Variants in RTN4RL1 observed in about 807,000 individuals in gnomAD.
RTN4RL1 encodes reticulon 4 receptor like 1.
RTN4RL1 carries 7 observed loss-of-function variants against 25.6 expected under a neutral mutation model. The ratio of observed to expected loss-of-function variants is 0.27; its 90% confidence interval spans 0.16 to 0.51. The LOEUF is 0.51. RTN4RL1 is among the 20% of genes least tolerant of loss of function. The probability of loss-of-function intolerance (pLI) is 0.97; values close to 1 mark genes in which losing one functional copy is unlikely to be tolerated. For missense variants in RTN4RL1, 500 were observed against 615.6 expected, an observed-to-expected ratio of 0.81 and a Z score of 1.99; for synonymous variants, 297 against 288.2, an observed-to-expected ratio of 1.03 and a Z score of -0.31.
At chr17:2,002,524 C>T (rs1223224856) in intron 1 of RTN4RL1, among the ~76,000 whole-genome samples, 1 of 150,650 alleles carries the variant, frequency 6.6e-6, no homozygotes, top group African/African-American at 2.5e-5. Context: ...AATCTCCTGA[C>T]CTCGTGATCC....
chr17:2,017,905 C>T (rs8064624), intron 1 of RTN4RL1: 2,476 of 152,456 alleles, frequency 0.016, 68 homozygotes, highest in African/African-American at 0.057. Flanking sequence ...ATTCCACGCT[C>T]CTGCACCCTA....
In RTN4RL1 at chr17:1,985,550, C is replaced by T. The variant is rs558780015; in HGVS notation, c.13+39303G>A. ...CACGGAGGAACATAAACCGGGTTTA[C>T]ATTCCCGGCTTTAAAAGCCCAGATT... On this transcript the variant is annotated intron_variant, in intron 1 of 1. Coordinates refer to ENST00000331238, the MANE Select transcript of RTN4RL1 (RefSeq NM_178568.4). Among the ~76,000 whole-genome samples the T allele has an allele frequency of 5.9e-5, 9 of 152,354 alleles. No homozygotes were observed. The East Asian group carries it at 9.6e-4, about 16-fold the overall frequency.
At chr17:1,959,799 G>A (rs1019866942) in intron 1 of RTN4RL1, among the ~76,000 whole-genome samples, 3 of 152,042 alleles carry the variant, frequency 2.0e-5, no homozygotes, top group African/African-American at 2.4e-5. Context: ...TCCTGACCTC[G>A]TGATCCACCC....
At chr17:1,983,756 G>A (rs1453048857) in intron 1 of RTN4RL1, among the ~76,000 whole-genome samples, 1 of 151,318 alleles carries the variant, frequency 6.6e-6, no homozygotes, top group Non-Finnish European at 1.5e-5. Context: ...TGTCCAGGAT[G>A]GTCTCGAACT....
chr17:2,003,473 A>G (rs1325014961), intron 1 of RTN4RL1: 1 of 152,274 alleles, frequency 6.6e-6, no homozygotes, highest in Non-Finnish European at 1.5e-5. Flanking sequence ...TGCAGGAGGA[A>G]CAGCAGCAGC....
At chr17:1,946,034 C>T (rs2151305898) in intron 1 of RTN4RL1, among the ~76,000 whole-genome samples, 1 of 152,266 alleles carries the variant, frequency 6.6e-6, no homozygotes. Context: ...CTGGAGGCTT[C>T]CTGGTCAATC....
chr17:1,938,238 C>G (rs1189580966), intron 1 of RTN4RL1, among the ~76,000 whole-genome samples: 2 of 152,188 alleles, frequency 1.3e-5, no homozygotes, highest in Non-Finnish European at 2.9e-5. Flanking sequence ...GACTCTTGCT[C>G]TAATGTAGTA....
intron 1 of RTN4RL1, among the ~76,000 whole-genome samples, chr17:1,993,267 A>T (rs1171606504): frequency 1.3e-5 from 2 of 152,148 alleles, no homozygotes; most frequent in Non-Finnish European, 2.9e-5. Context: ...AAAGAAAAGA[A>T]AAGAAACTAC....
rs978806973 is a variant in RTN4RL1 at position 1,998,426 on chromosome 17, C to T, written c.13+26427G>A. 3.9e-5 allele frequency among the ~76,000 whole-genome samples: 6 copies of T among 152,012 alleles called. No homozygotes were observed. The highest frequency in any genetic ancestry group is 4.4e-5 in the Non-Finnish European group (3 of 67,968). ...CCGCGGCCGCGCTGGGATCCGTTCC[C>T]TCTCGCGGGAGCCGCCGGCCGGGGA... On this transcript the variant is annotated intron_variant, in intron 1 of 1. Coordinates refer to ENST00000331238, the MANE Select transcript of RTN4RL1 (RefSeq NM_178568.4). This position sits in a 1 kb window ranked among gnomAD's most constrained non-coding sequence, Gnocchi z 4.9.
intron 1 of RTN4RL1, among the ~76,000 whole-genome samples, chr17:2,000,066 G>T (rs989855296): frequency 6.6e-6 from 1 of 152,280 alleles, no homozygotes; most frequent in East Asian, 1.9e-4. Flanking sequence ...CCAGCACAGA[G>T]GGAGGGAAGC....
At chr17:1,949,061 A>G (rs1362295143) in intron 1 of RTN4RL1, among the ~76,000 whole-genome samples, 4 of 152,002 alleles carry the variant, frequency 2.6e-5, no homozygotes, top group African/African-American at 9.7e-5. Context: ...GGTTCAAGGC[A>G]TTCTTCTGCC....
chr17:2,018,413 G>A (rs1416466489), intron 1 of RTN4RL1, among the ~76,000 whole-genome samples: 1 of 152,196 alleles, frequency 6.6e-6, no homozygotes, highest in Non-Finnish European at 1.5e-5. Flanking sequence ...GAGGGAGTAG[G>A]AGAGGACATA....
Position 2,021,711 on chromosome 17 carries a change from C to T in RTN4RL1, c.13+3142G>A, listed in dbSNP as rs62066905. Among the ~76,000 whole-genome samples, 554 of 151,906 alleles carry T rather than the reference C, an allele frequency of 3.6e-3. 1 individual carries two copies. Among genetic ancestry groups the T allele is most frequent in the Non-Finnish European group, 5.0e-3 (343 of 67,938 alleles). ...CTGGGATTACAGGCATGAACCAGCA[C>T]GCCCGGCTAATTTTTGTATTTTTAG... is the stretch of plus-strand genomic sequence containing the variant. On this transcript the variant is annotated intron_variant, in intron 1 of 1. Coordinates refer to ENST00000331238, the MANE Select transcript of RTN4RL1 (RefSeq NM_178568.4).
At chr17:1,997,202 C>T (rs1783261466) in intron 1 of RTN4RL1, among the ~76,000 whole-genome samples, 1 of 152,260 alleles carries the variant, frequency 6.6e-6, no homozygotes, top group African/African-American at 2.4e-5. Context: ...CTTCAGGGAT[C>T]TGCCGCTCAC....
At chr17:1,950,545 C>T (rs1474749195) in intron 1 of RTN4RL1, among the ~76,000 whole-genome samples, 2 of 151,880 alleles carry the variant, frequency 1.3e-5, no homozygotes, top group Non-Finnish European at 2.9e-5. Context: ...ACAGAGCGGG[C>T]GTGTAAATTG....
intron 1 of RTN4RL1, among the ~76,000 whole-genome samples, chr17:2,016,481 G>C (rs540774965): frequency 1.3e-5 from 2 of 152,312 alleles, no homozygotes; most frequent in Admixed American, 1.3e-4. Flanking sequence ...GACATGTCTG[G>C]GGTTCTACTG....
chr17:1,943,237 G>A (rs1268279297), intron 1 of RTN4RL1, among the ~76,000 whole-genome samples: 2 of 152,246 alleles, frequency 1.3e-5, no homozygotes, highest in East Asian at 1.9e-4. Context: ...CATGGCTGGC[G>A]ACAGGGCAGC....
intron 1 of RTN4RL1, among the ~76,000 whole-genome samples, chr17:1,997,471 C>T (rs538090544): frequency 3.0e-4 from 45 of 152,352 alleles, no homozygotes; most frequent in African/African-American, 1.1e-3. Flanking sequence ...TATTAACTGT[C>T]GCTCTCTGGA....
chr17:1,952,406 G>A (rs1418772385), intron 1 of RTN4RL1, among the ~76,000 whole-genome samples: 1 of 146,416 alleles, frequency 6.8e-6, no homozygotes, highest in South Asian at 2.2e-4. Flanking sequence ...GTGCGATCTC[G>A]GCTCATTGCA....
Sources: allele counts gnomAD v4.1 joint callset (sites outside exome capture counted in the v4.1 genomes callset), GRCh38; gene constraint gnomAD v4.1.1; non-coding constraint Gnocchi (gnomAD v3.1); transcripts MANE v1.5; gene names NCBI Gene and HGNC (gene_info 2026-07-23, HGNC 2026-07-21).